The following MANSC1 variants were observed in gnomAD, a reference collection of about 807,000 sequenced individuals.
MANSC1 encodes the protein MANSC domain-containing protein 1.
MANSC1 carries 13 observed loss-of-function variants against 14.1 expected under a neutral mutation model. The ratio of observed to expected loss-of-function variants is 0.92; its 90% CI spans 0.60 to 1.46. MANSC1 has a LOEUF of 1.46. MANSC1 is among the 40% of genes most tolerant of loss of function. The pLI is 0.00. For synonymous variants in MANSC1, 227 were observed against 200.7 expected (o/e 1.13, Z -1.11); for missense variants, 486 against 511.4 (o/e 0.95, Z 0.48).
rs35684053 is a variant in MANSC1, at chr12:12,328,984, TCA to T, written c.*1041_*1042del. 3,538 of 131,668 alleles carry T rather than the reference TCA, an allele frequency of 0.027. 123 individuals carry two copies. The highest frequency in any genetic ancestry group is 0.083 in the African/African-American group (2,909 of 35,004). 8.2% of individuals were successfully genotyped at this position (131,668 alleles called of 1,614,324 possible). A position where few individuals can be genotyped will look rare whatever the true frequency, so the allele number is the denominator to read the frequency against. ...GCCTGGGTGACAGAGCAAGACTCTG[TCA>T]CACACACACACACACACACACACAC... is the stretch of plus-strand genomic sequence containing the variant. On this transcript the variant is annotated 3_prime_UTR_variant, in exon 4 of 4. Coordinates refer to ENST00000535902, the MANE Select transcript of MANSC1 (RefSeq NM_018050.4).
chr12:12,343,739 A>G (rs951475450), intron 1 of MANSC1, among the ~76,000 whole-genome samples: 7 of 152,174 alleles, frequency 4.6e-5, no homozygotes, highest in Admixed American at 4.6e-4. Flanking sequence ...GAGGGCACAC[A>G]TTTCTAGTCA....
At position 12,336,041 on chromosome 12, in the gene MANSC1, C is replaced by T. The variant is rs61922043; in HGVS notation, c.364+2379G>A. On this transcript the variant is annotated intron_variant, in intron 3 of 3. Coordinates refer to ENST00000535902, the MANE Select transcript of MANSC1 (RefSeq NM_018050.4). ...CTACTAAAAATACAAAAATTAGCCA[C>T]GTGTAGTGGCATATGCCCCTCCTAA... Among the ~76,000 whole-genome samples the T allele has an allele frequency of 4.7e-3, 722 of 152,092 alleles. 7 individuals carry two copies. The highest frequency in any genetic ancestry group is 7.2e-3 in the Non-Finnish European group (488 of 67,980).
At position 12,329,252 on chromosome 12, in the gene MANSC1, T is replaced by G. The variant is rs375640063; in HGVS notation, c.*775A>C. ...GTTATCCAGCTGGACATGCTACTTA[T>G]GAGAACACTACTGAGTAACAAAAGA... On this transcript the variant is annotated 3_prime_UTR_variant, in exon 4 of 4. Transcript: ENST00000535902. The G allele has an allele frequency of 6.6e-6, 1 of 152,150 alleles. No individual in the cohort carries two copies. Among genetic ancestry groups the G allele is most frequent in the South Asian group, 2.1e-4 (1 of 4,820 alleles). 9.4% of individuals were successfully genotyped at this position (152,150 alleles called of 1,614,324 possible).
chr12:12,347,066 T>C (rs11054830), intron 1 of MANSC1, among the ~76,000 whole-genome samples: 36,179 of 152,012 alleles, frequency 0.24, 5,032 homozygotes, highest in Non-Finnish European at 0.31. Flanking sequence ...GGAAGACAAT[T>C]TTTCCATGGA....
At chr12:12,334,015 G>A (rs1394967246) in intron 3 of MANSC1, among the ~76,000 whole-genome samples, 1 of 152,336 alleles carries the variant, frequency 6.6e-6, no homozygotes, top group East Asian at 1.9e-4. Context: ...TTGAGAGGCC[G>A]AGGCAGGATG....
At chr12:12,346,382 A>T (rs967295688) in intron 1 of MANSC1, among the ~76,000 whole-genome samples, 1 of 152,248 alleles carries the variant, frequency 6.6e-6, no homozygotes, top group Non-Finnish European at 1.5e-5. Flanking sequence ...TAAAATTTAC[A>T]TGGAAATGCA....
chr12:12,341,953 C>T (rs1166714478), intron 2 of MANSC1, among the ~76,000 whole-genome samples: 1 of 150,206 alleles, frequency 6.7e-6, no homozygotes, highest in Non-Finnish European at 1.5e-5. Context: ...GATTGCGCCA[C>T]TGCGCTCCGT....
At chr12:12,338,645 G>C in intron 2 of MANSC1, 85 bp from the exon 3 acceptor site, 2 of 1,254,644 alleles carry the variant, frequency 1.6e-6, no homozygotes, top group Non-Finnish European at 2.3e-6. Flanking sequence ...ACTTATTATG[G>C]AGTCCAACAC....
At chr12:12,338,116 C>T (rs1176458770) in intron 3 of MANSC1, among the ~76,000 whole-genome samples, 1 of 152,162 alleles carries the variant, frequency 6.6e-6, no homozygotes, top group Non-Finnish European at 1.5e-5. Flanking sequence ...CCCTGGAGAC[C>T]TGTATACTTA....
chr12:12,343,021 C>T, intron 2 of MANSC1, 71 bp downstream of exon 2: 1 of 1,053,844 alleles, frequency 9.5e-7, no homozygotes, highest in South Asian at 1.3e-5. Flanking sequence ...ATAAGTTATT[C>T]AGCCACATCC....
At chr12:12,344,225 A>T (rs1717708053) in intron 1 of MANSC1, among the ~76,000 whole-genome samples, 1 of 152,084 alleles carries the variant, frequency 6.6e-6, no homozygotes, top group African/African-American at 2.4e-5. Context: ...TACCATCTTT[A>T]ATCTTTATAC....
At chr12:12,344,148 T>C (rs185771397) in intron 1 of MANSC1, among the ~76,000 whole-genome samples, 169 of 152,036 alleles carry the variant, frequency 1.1e-3, no homozygotes, top group African/African-American at 3.8e-3. Flanking sequence ...GGTGACAATA[T>C]ACTAGATGGT....
chr12:12,331,071 G>A (rs1862783813), intron 3 of MANSC1, 113 bp from the exon 4 acceptor site: 5 of 713,914 alleles, frequency 7.0e-6, no homozygotes, highest in Non-Finnish European at 1.2e-5. Context: ...GTTGGCCATG[G>A]TGGCTCACGC....
chr12:12,338,425 A>G lies in MANSC1; in HGVS notation c.359T>C (p.Ile120Thr). ...PAKGLMSYRI[I>T]TDFPSLTRNL... ...AAGTATAATGCTTTCATTACCTGTAATTATCCTGTAACTCATAAGTCCTTT... is the reference window on the plus strand; with the variant it reads ...AAGTATAATGCTTTCATTACCTGTAGTTATCCTGTAACTCATAAGTCCTTT... The change falls in exon 3 of 4, where the codon ATT (isoleucine) becomes ACT (threonine). Residue 120 changes from isoleucine to threonine, a missense_variant. Physicochemically the swap from Ile to Thr is moderately conservative, Grantham distance 89. Coordinates refer to ENST00000535902, the MANE Select transcript of MANSC1 (RefSeq NM_018050.4). 6.3e-7 allele frequency: 1 copy of G among 1,593,828 alleles called. No individual in the cohort carries two copies. The highest frequency in any genetic ancestry group is 8.5e-7 in the Non-Finnish European group (1 of 1,174,094).
chr12:12,346,852 G>A (rs1056216816), intron 1 of MANSC1, among the ~76,000 whole-genome samples: 1 of 151,908 alleles, frequency 6.6e-6, no homozygotes, highest in East Asian at 1.9e-4. Context: ...CACACTCCAT[G>A]AAAGAAAAAT....
chr12:12,349,241 T>C (rs1863046666), intron 1 of MANSC1, among the ~76,000 whole-genome samples: 1 of 152,258 alleles, frequency 6.6e-6, no homozygotes, highest in Non-Finnish European at 1.5e-5. Context: ...TTAATAATTC[T>C]GGCCAAGGTA....
intron 1 of MANSC1, among the ~76,000 whole-genome samples, chr12:12,346,402 A>G (rs750609323): frequency 6.6e-6 from 1 of 152,274 alleles, no homozygotes; most frequent in Non-Finnish European, 1.5e-5. Context: ...AGAAAAGACC[A>G]AGAACAGTCC....
chr12:12,348,920 A>G (rs1346527261), intron 1 of MANSC1, among the ~76,000 whole-genome samples: 1 of 152,248 alleles, frequency 6.6e-6, no homozygotes, highest in East Asian at 1.9e-4. Context: ...CATTTTAGTT[A>G]AAACTTACAA....
At chr12:12,344,940 T>TATATATATATATAC (rs1862989407) in intron 1 of MANSC1, among the ~76,000 whole-genome samples, 1 of 84,972 alleles carries the variant, frequency 1.2e-5, no homozygotes, top group Non-Finnish European at 2.3e-5. Flanking sequence ...TATATATATA[T>TATATATATATATAC]ATATATATAT....
Sources: gnomAD v4.1 joint callset for allele counts (sites outside exome capture counted in the v4.1 genomes callset) on GRCh38, gnomAD v4.1.1 for gene constraint, MANE v1.5 for transcripts, NCBI Gene and HGNC (gene_info 2026-07-23, HGNC 2026-07-21) for gene names.